Variants in VPS35L observed in about 807,000 individuals in gnomAD.
VPS35L encodes VPS35 endosomal protein sorting factor like.
VPS35L carries 83 observed loss-of-function variants against 133.0 expected under a neutral mutation model. That is an observed-to-expected ratio of 0.62 (90% CI 0.52 to 0.75). The LOEUF (loss-of-function observed/expected upper bound fraction) is 0.75. Among genes scored for constraint, VPS35L ranks in the 30% least tolerant of loss-of-function variants. VPS35L has a pLI of 0.00. For missense variants in VPS35L, 1,083 were observed against 1,206.8 expected (o/e 0.90, Z 1.52); for synonymous variants, 423 against 449.9 (o/e 0.94, Z 0.76).
chr16:19,601,565 C>G (rs1205100928), intron 8 of VPS35L, 99 bp from the exon 9 acceptor site: 1 of 1,201,224 alleles, frequency 8.3e-7, no homozygotes, highest in African/African-American at 1.5e-5. Flanking sequence ...TAAAGCCTGT[C>G]TGGGCGATGA....
chr16:19,580,731 A>G (rs1971682754), intron 6 of VPS35L, among the ~76,000 whole-genome samples: 1 of 151,254 alleles, frequency 6.6e-6, no homozygotes, highest in Non-Finnish European at 1.5e-5. Context: ...CAGTACCTGT[A>G]CTCCCCTGAG....
chr16:19,661,441 G>A (rs1332439484), intron 26 of VPS35L, among the ~76,000 whole-genome samples: 1 of 152,194 alleles, frequency 6.6e-6, no homozygotes, highest in Non-Finnish European at 1.5e-5. Flanking sequence ...TGTTCAGACA[G>A]AGGCGTATTG....
intron 9 of VPS35L, among the ~76,000 whole-genome samples, chr16:19,604,401 C>T (rs780273369): frequency 6.6e-5 from 10 of 152,140 alleles, no homozygotes; most frequent in Non-Finnish European, 1.3e-4. Flanking sequence ...GATCAGTCCT[C>T]GTTTAGATAC....
chr16:19,673,025 C>A (rs1230641357), intron 27 of VPS35L, among the ~76,000 whole-genome samples: 1 of 152,176 alleles, frequency 6.6e-6, no homozygotes, highest in African/African-American at 2.4e-5. Flanking sequence ...GTTCATAGCG[C>A]TGAGACTTTG....
chr16:19,682,173 C>T lies in VPS35L; in HGVS notation c.2362-52C>T, dbSNP rs116390770. 2.1e-3 allele frequency: 3,350 copies of T among 1,581,024 alleles called. 62 individuals carry two copies. The African/African-American group carries it at 0.039, about 18-fold the overall frequency. ...GGCTTCTGTGTTGATTTTCTTTTTCCCTCCCTGCTTCATCTTTGGGATTAT... is the reference window on the plus strand; with the variant it reads ...GGCTTCTGTGTTGATTTTCTTTTTCTCTCCCTGCTTCATCTTTGGGATTAT... On this transcript the variant is annotated intron_variant, in intron 27 of 30. Transcript: ENST00000417362.
At chr16:19,682,730 T>A (rs1427367407) in intron 28 of VPS35L, among the ~76,000 whole-genome samples, 1 of 152,088 alleles carries the variant, frequency 6.6e-6, no homozygotes, top group Non-Finnish European at 1.5e-5. Context: ...GGCCTGATGG[T>A]GCACCCCTGT....
chr16:19,680,461 C>A lies in VPS35L; in HGVS notation c.2362-1764C>A, dbSNP rs1423592058. 3.9e-5 allele frequency among the ~76,000 whole-genome samples: 6 copies of A among 152,082 alleles called. No homozygotes were observed. The East Asian group carries it at 1.2e-3, about 29-fold the overall frequency. On this transcript the variant is annotated intron_variant, in intron 27 of 30. Coordinates refer to ENST00000417362, the MANE Select transcript of VPS35L (RefSeq NM_020314.7). Reference sequence around the variant, plus strand: ...TACAGTGTGCAGCCAGCAGACCTGGCGGTGTATTGGCAAATGCAATAGATG... The same window carrying A: ...TACAGTGTGCAGCCAGCAGACCTGGAGGTGTATTGGCAAATGCAATAGATG...
chr16:19,625,115 A>T (rs1449967243), intron 14 of VPS35L, among the ~76,000 whole-genome samples: 1 of 152,056 alleles, frequency 6.6e-6, no homozygotes, highest in East Asian at 1.9e-4. Context: ...GGCGGGGAAA[A>T]TAGACTTCAA....
In VPS35L at chr16:19,682,290, C is replaced by G; in HGVS notation, c.2427C>G (p.Thr809=). Residue 809 remains threonine, a synonymous_variant, in exon 28 of 31, where the codon ACC becomes ACG. Transcript: ENST00000417362. ...RELLNVIQDY[T]WEDNSDEKIR... ...TTCTCAACGTGATCCAGGACTACAC[C>G]TGGGAGGACAACAGCGATGAGAAAA... 3 of 1,614,114 alleles carry G rather than the reference C, an allele frequency of 1.9e-6. No individual in the cohort carries two copies. Among genetic ancestry groups the G allele is most frequent in the South Asian group, 1.1e-5 (1 of 91,082 alleles).
intron 4 of VPS35L, among the ~76,000 whole-genome samples, chr16:19,574,729 CTG>C (rs1314348483): frequency 5.3e-5 from 8 of 151,850 alleles, no homozygotes; most frequent in African/African-American, 1.9e-4. Flanking sequence ...GGGGGTGGTA[CTG>C]ACATTTATTG....
intron 26 of VPS35L, among the ~76,000 whole-genome samples, chr16:19,660,432 T>C (rs1332441820): frequency 6.6e-6 from 1 of 152,128 alleles, no homozygotes; most frequent in Non-Finnish European, 1.5e-5. Flanking sequence ...AGGAGGGTAG[T>C]TGGATTGATG....
At chr16:19,586,260 AC>A (rs965073357) in intron 7 of VPS35L, among the ~76,000 whole-genome samples, 53 of 151,926 alleles carry the variant, frequency 3.5e-4, no homozygotes, top group African/African-American at 1.1e-3. Flanking sequence ...AGGATCTCCT[AC>A]TCTGTGGCTT....
intron 26 of VPS35L, among the ~76,000 whole-genome samples, chr16:19,667,862 A>G (rs1597414040): frequency 6.6e-6 from 1 of 151,908 alleles, no homozygotes; most frequent in East Asian, 1.9e-4. Flanking sequence ...CTACCTGCCC[A>G]TGACAGTACC....
At position 19,669,141 on chromosome 16, in the gene VPS35L, T is replaced by A; in HGVS notation, c.2222-19T>A. The A allele has an allele frequency of 1.3e-6, 2 of 1,590,052 alleles. No individual in the cohort carries two copies. The highest frequency in any genetic ancestry group is 1.7e-6 in the Non-Finnish European group (2 of 1,164,574). ...TTCCCAGAGTTCTAATATACTGACT[T>A]TTATCTTCTGTCTTGCAGCTGATGC... On this transcript the variant is annotated intron_variant, in intron 26 of 30. Transcript: ENST00000417362.
chr16:19,642,339 C>T (rs1402629479), intron 21 of VPS35L, 57 bp from the exon 22 acceptor site: 13 of 1,474,920 alleles, frequency 8.8e-6, no homozygotes, highest in South Asian at 5.8e-5. Flanking sequence ...ACTGAATCCA[C>T]TCTTGCAGTG....
intron 26 of VPS35L, among the ~76,000 whole-genome samples, chr16:19,653,588 T>C (rs1021914198): frequency 6.6e-6 from 1 of 152,232 alleles, no homozygotes; most frequent in African/African-American, 2.4e-5. Flanking sequence ...CTGCATTGAC[T>C]GGGAAGCCTA....
intron 26 of VPS35L, among the ~76,000 whole-genome samples, chr16:19,665,396 T>C (rs1271995398): frequency 6.6e-6 from 1 of 152,220 alleles, no homozygotes; most frequent in Non-Finnish European, 1.5e-5. Context: ...CAATTGTTTT[T>C]GTTTTTAGCT....
chr16:19,695,279 G>C (rs1006767815), intron 29 of VPS35L, among the ~76,000 whole-genome samples: 5 of 152,206 alleles, frequency 3.3e-5, no homozygotes, highest in Non-Finnish European at 7.3e-5. Context: ...GGTGGTCACT[G>C]ACAGCATAAA....
intron 26 of VPS35L, among the ~76,000 whole-genome samples, chr16:19,658,969 A>G (rs1266807306): frequency 6.6e-6 from 1 of 152,210 alleles, no homozygotes; most frequent in African/African-American, 2.4e-5. Context: ...GTGCTCAGGA[A>G]CATCCAGCTA....
Sources: allele counts gnomAD v4.1 joint callset (sites outside exome capture counted in the v4.1 genomes callset), GRCh38; gene constraint gnomAD v4.1.1; transcripts MANE v1.5; gene names NCBI Gene and HGNC (gene_info 2026-07-23, HGNC 2026-07-21).